Variants in VNN1 observed in about 807,000 individuals in gnomAD.
VNN1 encodes the protein vanin 1, also known as pantetheinase.
Under a neutral mutation model 41.9 loss-of-function variants are expected in VNN1, and 29 were observed. The ratio of observed to expected loss-of-function variants is 0.69; its 90% confidence interval spans 0.52 to 0.94. VNN1 has a LOEUF of 0.94. Ranked by LOEUF, VNN1 falls within the 40% of genes least tolerant of loss-of-function variation. The probability of loss-of-function intolerance (pLI) is 0.00; values close to 1 mark genes in which losing one functional copy is unlikely to be tolerated. For missense variants in VNN1, 637 were observed against 621.1 expected, an observed-to-expected ratio of 1.03 and a Z score of -0.27; for synonymous variants, 233 against 224.4, an observed-to-expected ratio of 1.04 and a Z score of -0.34.
At chr6:132,706,521 A>G (rs1260620320) in intron 2 of VNN1, among the ~76,000 whole-genome samples, 1 of 152,214 alleles carries the variant, frequency 6.6e-6, no homozygotes, top group African/African-American at 2.4e-5. Flanking sequence ...TGAATTATAT[A>G]CTTAAATATT....
intron 2 of VNN1, among the ~76,000 whole-genome samples, chr6:132,695,138 G>A (rs1297393722): frequency 6.6e-6 from 1 of 152,138 alleles, no homozygotes; most frequent in African/African-American, 2.4e-5. Context: ...GGCAACAAGA[G>A]TGAGACTCCA....
At chr6:132,687,811 C>T (rs905841018) in intron 5 of VNN1, among the ~76,000 whole-genome samples, 1 of 151,596 alleles carries the variant, frequency 6.6e-6, no homozygotes, top group Admixed American at 6.6e-5. Flanking sequence ...GGGGTTTTAA[C>T]AAAAAGTCAA....
At chr6:132,684,621 T>A in intron 5 of VNN1, 116 bp from the exon 6 acceptor site, 2 of 812,890 alleles carry the variant, frequency 2.5e-6, no homozygotes, top group Non-Finnish European at 3.5e-6. Flanking sequence ...TCATACACTG[T>A]AAAGATATAC....
Position 132,692,338 on chromosome 6 carries a change from T to C in VNN1, c.1073A>G (p.Gln358Arg). 1 of 1,614,208 alleles carries C rather than the reference T, an allele frequency of 6.2e-7. No individual in the cohort carries two copies. Among genetic ancestry groups the C allele is most frequent in the Non-Finnish European group, 8.5e-7 (1 of 1,180,024 alleles). ...GCTTAAATGACAGCAGAGATCTTTC[T>C]GACAAACTGTATAATTTCCTGCAAC... ...TGVAGNYTVCQKDLCCHLSYK... is the reference protein window; with the variant it reads ...TGVAGNYTVCRKDLCCHLSYK... Residue 358 changes from glutamine (Q) to arginine (R), a missense_variant, in exon 5 of 7, where the codon CAG becomes CGG. Physicochemically the swap from Gln to Arg is conservative, Grantham distance 43. Transcript: ENST00000367928.
At position 132,682,948 on chromosome 6, in the gene VNN1, T is replaced by C. The variant is rs989628262; in HGVS notation, c.*192A>G. On this transcript the variant is annotated 3_prime_UTR_variant, in exon 7 of 7. Transcript: ENST00000367928. Reference sequence around the variant, plus strand: ...AAGAAAGACCAATGTTCAAATATAGTTTTTTAAATAAAATCTACATTAACA... The same window carrying C: ...AAGAAAGACCAATGTTCAAATATAGCTTTTTAAATAAAATCTACATTAACA... 2.4e-6 allele frequency: 1 copy of C among 409,774 alleles called. No individual in the cohort carries two copies. The highest frequency in any genetic ancestry group is 2.1e-5 in the African/African-American group (1 of 48,608). The allele number at this position is 409,774 out of a possible 1,614,324, so 25.4% of individuals were successfully genotyped here.
rs764175513 is a variant in VNN1, at chr6:132,683,252, C to T, written c.1430G>A (p.Gly477Glu). ...SGPVLTVTLF[G>E]RLYEKDWASN... is the part of the protein sequence containing the mutation. ...TGCCCAGTCCTTCTCATACAACCTC[C>T]CAAACAGAGTTACTGTTAAGACAGG... is the stretch of plus-strand genomic sequence containing the variant. The change falls in exon 7 of 7, where the codon GGG (glycine) becomes GAG (glutamate). Residue 477 changes from glycine to glutamate, a missense_variant. Transcript: ENST00000367928. The T allele has an allele frequency of 1.9e-6, 3 of 1,614,110 alleles. No individual in the cohort carries two copies. The highest frequency in any genetic ancestry group is 2.5e-6 in the Non-Finnish European group (3 of 1,180,010).
In VNN1 at chr6:132,713,856, C is replaced by T. The variant is rs1778635905; in HGVS notation, c.180G>A (p.Leu60=). The change falls in exon 1 of 7, where the codon TTG becomes TTA. Residue 60 remains leucine, a synonymous_variant. Coordinates refer to ENST00000367928, the MANE Select transcript of VNN1 (RefSeq NM_004666.3). ...CTGCTGCTGATGTGATCGCTCCTTCCAAAATGTCCAGATTCCGATTCATTA... is the reference window on the plus strand; with the variant it reads ...CTGCTGCTGATGTGATCGCTCCTTCTAAAATGTCCAGATTCCGATTCATTA... ...LALMNRNLDI[L]EGAITSAADQ... is the part of the protein sequence containing the mutation. The T allele has an allele frequency of 2.5e-6, 4 of 1,613,154 alleles. No homozygotes were observed. Among genetic ancestry groups the T allele is most frequent in the African/African-American group, 1.3e-5 (1 of 74,858 alleles).
At chr6:132,704,622 G>C (rs1294195137) in intron 2 of VNN1, among the ~76,000 whole-genome samples, 1 of 151,764 alleles carries the variant, frequency 6.6e-6, no homozygotes, top group Non-Finnish European at 1.5e-5. Flanking sequence ...AAACCTTCAA[G>C]TAAACAGCCT....
chr6:132,695,251 A>G (rs1400743768), intron 2 of VNN1, among the ~76,000 whole-genome samples: 3 of 152,194 alleles, frequency 2.0e-5, no homozygotes, highest in African/African-American at 7.2e-5. Context: ...CTAGATAACA[A>G]TTGCACTGTT....
Position 132,684,537 on chromosome 6 carries a change from AG to A in VNN1, c.1189-33del, listed in dbSNP as rs375182998. On this transcript the variant is annotated intron_variant, in intron 5 of 6. Transcript: ENST00000367928. ...AAGTCATGAAAACCAGTAAGTCATA[AG>A]AAAGTCATGTGGGATATGTGAATTT... 265 of 1,610,982 alleles carry A rather than the reference AG, an allele frequency of 1.6e-4. 3 individuals are homozygous for A. In the East Asian group the frequency reaches 2.9e-3, roughly 18 times the overall value.
chr6:132,709,328 C>G (rs1015518618), intron 2 of VNN1, among the ~76,000 whole-genome samples: 1 of 151,964 alleles, frequency 6.6e-6, no homozygotes, highest in African/African-American at 2.4e-5. Flanking sequence ...CTTCATTGCC[C>G]AGAACAATGT....
At chr6:132,692,953 G>GA in intron 4 of VNN1, 71 bp downstream of exon 4, 1 of 1,471,978 alleles carries the variant, frequency 6.8e-7, no homozygotes, top group South Asian at 1.4e-5. Flanking sequence ...GCGTTAGCTA[G>GA]AAAAACATGT....
In VNN1 at chr6:132,681,395, A is replaced by G. The variant is rs1778118428; in HGVS notation, c.*1745T>C. On this transcript the variant is annotated 3_prime_UTR_variant, in exon 7 of 7. Coordinates refer to ENST00000367928, the MANE Select transcript of VNN1 (RefSeq NM_004666.3). ...CCTTGAGATGATGGCAGCCCTGGGG[A>G]CAAGTTAACTACAACTTTCCAAAGG... Among the ~76,000 whole-genome samples, 1 of 152,150 alleles carries G rather than the reference A, an allele frequency of 6.6e-6. No homozygotes were observed. Among genetic ancestry groups the G allele is most frequent in the Non-Finnish European group, 1.5e-5 (1 of 68,008 alleles).
chr6:132,697,326 G>C (rs967547201), intron 2 of VNN1, among the ~76,000 whole-genome samples: 1 of 152,014 alleles, frequency 6.6e-6, no homozygotes, highest in South Asian at 2.1e-4. Flanking sequence ...GAATGTACTG[G>C]AACAGTGAGA....
At chr6:132,686,156 G>T (rs1474023557) in intron 5 of VNN1, among the ~76,000 whole-genome samples, 1 of 152,128 alleles carries the variant, frequency 6.6e-6, no homozygotes, top group Non-Finnish European at 1.5e-5. Flanking sequence ...TAAAAAAAAT[G>T]TTTATCTGGG....
chr6:132,684,387 A>G lies in VNN1; in HGVS notation c.1307T>C (p.Val436Ala), dbSNP rs1350240695. 1.9e-6 allele frequency: 3 copies of G among 1,613,926 alleles called. No individual in the cohort carries two copies. The highest frequency in any genetic ancestry group is 1.3e-5 in the African/African-American group (1 of 74,926). ...SLSGTFGTQY[V>A]FPEVLLSENQ... ...TTCACTCAGCAACACCTCAGGAAAGACATACTGGGTTCCGAAAGTGCCACT... is the reference window on the plus strand; with the variant it reads ...TTCACTCAGCAACACCTCAGGAAAGGCATACTGGGTTCCGAAAGTGCCACT... The change falls in exon 6 of 7, where the codon GTC (valine) becomes GCC (alanine). Residue 436 changes from valine (V) to alanine (A), a missense_variant. Transcript: ENST00000367928.
intron 2 of VNN1, among the ~76,000 whole-genome samples, chr6:132,694,861 A>G (rs2840817): frequency 0.43 from 65,766 of 151,816 alleles, 15,374 homozygotes; most frequent in African/African-American, 0.6. Context: ...TCAAAAAACA[A>G]ATTTTGGGGG....
chr6:132,712,481 A>G (rs531732972), intron 1 of VNN1, among the ~76,000 whole-genome samples: 1 of 152,234 alleles, frequency 6.6e-6, no homozygotes, highest in African/African-American at 2.4e-5. Flanking sequence ...TAATCCTGCC[A>G]TTGTTGTTTC....
rs771190010 is a variant in VNN1 at position 132,683,281 on chromosome 6, G to A, written c.1401C>T (p.Ser467=). 28 of 1,613,746 alleles carry A rather than the reference G, an allele frequency of 1.7e-5. No individual in the cohort carries two copies. Among genetic ancestry groups the A allele is most frequent in the Middle Eastern group, 1.6e-4 (1 of 6,082 alleles). The part of the protein sequence containing the change: ...DGRLFSLKPT[S]GPVLTVTLFG... ...ACAGAGTTACTGTTAAGACAGGTCC[G>A]GATGTTGGCTTCAGACTAAACAAGC... Residue 467 remains serine (S), a synonymous_variant, in exon 7 of 7, where the codon TCC becomes TCT. Coordinates refer to ENST00000367928, the MANE Select transcript of VNN1 (RefSeq NM_004666.3).
Sources: allele counts gnomAD v4.1 joint callset (sites outside exome capture counted in the v4.1 genomes callset), GRCh38; gene constraint gnomAD v4.1.1; transcripts MANE v1.5; gene names NCBI Gene and HGNC (gene_info 2026-07-23, HGNC 2026-07-21).